The following KCNIP4 variants were observed in gnomAD, a reference collection of about 807,000 sequenced individuals.
KCNIP4 encodes Kv channel-interacting protein 4.
In KCNIP4, 12 loss-of-function variants were observed where a neutral mutation model predicts 34.0. The observed-to-expected ratio is 0.35, with a 90% CI of 0.23 to 0.57. The LOEUF is 0.57. Among genes scored for constraint, KCNIP4 ranks in the 20% least tolerant of loss-of-function variants. The probability of loss-of-function intolerance (pLI) is 0.83; values close to 1 mark genes in which losing one functional copy is unlikely to be tolerated. For missense variants in KCNIP4, 238 were observed against 311.7 expected, an observed-to-expected ratio of 0.76 and a Z score of 1.78; for synonymous variants, 124 against 102.2, an observed-to-expected ratio of 1.21 and a Z score of -1.29.
At chr4:20,969,494 A>G (rs1232699268) in intron 1 of KCNIP4, among the ~76,000 whole-genome samples, 1 of 152,040 alleles carries the variant, frequency 6.6e-6, no homozygotes, top group African/African-American at 2.4e-5. Flanking sequence ...TACTCCTCAC[A>G]TTACAGTGGG....
intron 1 of KCNIP4, among the ~76,000 whole-genome samples, chr4:21,424,070 T>C (rs1725732260): frequency 6.6e-6 from 1 of 150,442 alleles, no homozygotes. Context: ...CCACCCGCCT[T>C]GGCCTCCCAA....
chr4:21,877,277 C>A (rs924237457), intron 1 of KCNIP4, among the ~76,000 whole-genome samples: 2 of 151,752 alleles, frequency 1.3e-5, no homozygotes, highest in Non-Finnish European at 2.9e-5. Flanking sequence ...TGCTTGAACC[C>A]GAGAGATGGA....
At chr4:21,094,076 C>T (rs1161668076) in intron 1 of KCNIP4, among the ~76,000 whole-genome samples, 11 of 141,068 alleles carry the variant, frequency 7.8e-5, no homozygotes, top group East Asian at 4.1e-4. Context: ...AGCAAGACTC[C>T]GTCTCAAAAA....
At chr4:21,338,388 T>A (rs7670096) in intron 1 of KCNIP4, among the ~76,000 whole-genome samples, 106,992 of 151,612 alleles carry the variant, frequency 0.71, 38,670 homozygotes, top group African/African-American at 0.86. Flanking sequence ...CCATTTTTTT[T>A]AAATACATTG....
At chr4:20,760,271 C>T (rs1204942165) in intron 3 of KCNIP4, among the ~76,000 whole-genome samples, 1 of 152,140 alleles carries the variant, frequency 6.6e-6, no homozygotes. Context: ...ACTAAGTTCA[C>T]TGGGGAAGGA....
intron 1 of KCNIP4, among the ~76,000 whole-genome samples, chr4:21,335,996 T>G (rs1716141367): frequency 6.6e-6 from 1 of 152,082 alleles, no homozygotes; most frequent in Non-Finnish European, 1.5e-5. Flanking sequence ...CTCACACATA[T>G]ATTTATATTT....
chr4:21,063,839 TA>T (rs1287438999), intron 1 of KCNIP4, among the ~76,000 whole-genome samples: 1 of 151,960 alleles, frequency 6.6e-6, no homozygotes, highest in African/African-American at 2.4e-5. Flanking sequence ...GAAGAGAGAA[TA>T]AAAAAATTCT....
At chr4:21,158,435 A>G (rs1489688104) in intron 1 of KCNIP4, among the ~76,000 whole-genome samples, 1 of 152,214 alleles carries the variant, frequency 6.6e-6, no homozygotes, top group Non-Finnish European at 1.5e-5. Context: ...CTAACAGTGT[A>G]TAAAATGATA....
At chr4:21,104,046 CA>C (rs199750504) in intron 1 of KCNIP4, among the ~76,000 whole-genome samples, 43,913 of 151,620 alleles carry the variant, frequency 0.29, 6,949 homozygotes, top group African/African-American at 0.44. Flanking sequence ...AATAAACATA[CA>C]TGTCCTTGTC....
chr4:21,406,411 G>A (rs1397252556), intron 1 of KCNIP4, among the ~76,000 whole-genome samples: 1 of 152,112 alleles, frequency 6.6e-6, no homozygotes, highest in East Asian at 1.9e-4. Context: ...TTGTAGCAGT[G>A]GCATCAAACA....
At chr4:20,758,976 C>T in intron 3 of KCNIP4, 86 bp from the exon 4 acceptor site, 1 of 980,126 alleles carries the variant, frequency 1.0e-6, no homozygotes, top group Non-Finnish European at 1.6e-6. Context: ...AACTGTCTAC[C>T]ATGCAAAGCT....
At chr4:21,013,185 A>C (rs1739214361) in intron 1 of KCNIP4, among the ~76,000 whole-genome samples, 1 of 152,218 alleles carries the variant, frequency 6.6e-6, no homozygotes, top group Non-Finnish European at 1.5e-5. Flanking sequence ...TGAATGAGTC[A>C]TATTTCCACA....
chr4:21,047,128 A>G (rs184619011), intron 1 of KCNIP4, among the ~76,000 whole-genome samples: 1 of 152,352 alleles, frequency 6.6e-6, no homozygotes, highest in Admixed American at 6.5e-5. Flanking sequence ...TCTCATTGAC[A>G]AAACAGATAG....
At chr4:21,266,938 G>T (rs1404985531) in intron 1 of KCNIP4, among the ~76,000 whole-genome samples, 1 of 152,158 alleles carries the variant, frequency 6.6e-6, no homozygotes, top group Admixed American at 6.6e-5. Flanking sequence ...GTGAAACGTG[G>T]TTAGCTAAGG....
intron 1 of KCNIP4, among the ~76,000 whole-genome samples, chr4:20,929,829 G>A (rs773873785): frequency 6.6e-6 from 1 of 151,316 alleles, no homozygotes; most frequent in East Asian, 1.9e-4. Context: ...TGAAATATTT[G>A]TATACCGATA....
intron 1 of KCNIP4, among the ~76,000 whole-genome samples, chr4:21,624,765 C>T (rs542686640): frequency 1.3e-5 from 2 of 152,132 alleles, no homozygotes; most frequent in African/African-American, 4.8e-5. Flanking sequence ...ACAATAAAGT[C>T]AAAGACTCTT....
rs1732837891 is a variant in KCNIP4, at chr4:20,952,015, A to C, written c.62-69306T>G. 2.6e-5 allele frequency among the ~76,000 whole-genome samples: 4 copies of C among 152,204 alleles called. 1 individual carries two copies. Among genetic ancestry groups the C allele is most frequent in the Admixed American group, 2.0e-4 (3 of 15,282 alleles). ...CTCTTCCAATAACATGGTGCCTAGCACAGAGTGGGTACGCAGTAAATATAA... is the reference window on the plus strand; with the variant it reads ...CTCTTCCAATAACATGGTGCCTAGCCCAGAGTGGGTACGCAGTAAATATAA... On this transcript the variant is annotated intron_variant, in intron 1 of 8. Transcript: ENST00000382152.
At chr4:21,589,280 A>G (rs577002511) in intron 1 of KCNIP4, among the ~76,000 whole-genome samples, 2 of 131,294 alleles carry the variant, frequency 1.5e-5, no homozygotes, top group Admixed American at 7.4e-5. Flanking sequence ...ATATATGTAT[A>G]GATACATATA....
rs922780092 is a variant in KCNIP4 at position 21,441,432 on chromosome 4, C to A, written c.61+507139G>T. ...TGCTGGGATTACAGGCATGAGCCAT[C>A]GCGCCCGGCCACGACACCTTTCTTA... On this transcript the variant is annotated intron_variant, in intron 1 of 8. Coordinates refer to ENST00000382152, the MANE Select transcript of KCNIP4 (RefSeq NM_025221.6). 4.6e-5 allele frequency among the ~76,000 whole-genome samples: 7 copies of A among 152,190 alleles called. No individual in the cohort carries two copies. In the East Asian group the frequency reaches 1.4e-3, roughly 30 times the overall value.
Sources: gnomAD v4.1 joint callset for allele counts (sites outside exome capture counted in the v4.1 genomes callset) on GRCh38, gnomAD v4.1.1 for gene constraint, MANE v1.5 for transcripts, NCBI Gene and HGNC (gene_info 2026-07-23, HGNC 2026-07-21) for gene names.